The following LPO variants were observed in gnomAD, a reference collection of about 807,000 sequenced individuals.
The protein encoded by LPO is lactoperoxidase.
A neutral mutation model predicts 68.4 loss-of-function variants in LPO; 70 were observed. That is an observed-to-expected ratio of 1.02 (90% CI 0.84 to 1.25). The LOEUF (loss-of-function observed/expected upper bound fraction) is 1.25. LPO is among the 50% of genes most tolerant of loss of function. The pLI, the probability that LPO is intolerant of heterozygous loss-of-function variation, is 0.00. For synonymous variants in LPO, 360 were observed against 357.6 expected, an observed-to-expected ratio of 1.01 and a Z score of -0.08; for missense variants, 873 against 908.4, an observed-to-expected ratio of 0.96 and a Z score of 0.50.
chr17:58,264,666 C>T, intron 9 of LPO, 56 bp from the exon 10 acceptor site: 1 of 1,593,692 alleles, frequency 6.3e-7, no homozygotes, highest in South Asian at 1.1e-5. Context: ...CAGCCTCCCT[C>T]TGCAGAGGTT....
Position 58,254,888 on chromosome 17 carries a change from A to G in LPO, c.1183A>G (p.Arg395Gly). 1.9e-6 allele frequency: 3 copies of G among 1,614,142 alleles called. No individual in the cohort carries two copies. The highest frequency in any genetic ancestry group is 2.5e-6 in the Non-Finnish European group (3 of 1,180,022). ...LFLREHNRLA[R>G]ELKRLNPQWD... Reference sequence around the variant, plus strand: ...TCTCCGCGAGCATAACCGGCTGGCCAGAGAACTAAAGAGACTCAACCCTCA... The same window carrying G: ...TCTCCGCGAGCATAACCGGCTGGCCGGAGAACTAAAGAGACTCAACCCTCA... Residue 395 changes from arginine (R) to glycine (G), a missense_variant, in exon 9 of 13, where the codon AGA becomes GGA. Coordinates refer to ENST00000262290, the MANE Select transcript of LPO (RefSeq NM_006151.3).
chr17:58,268,289 C>A lies in LPO; in HGVS notation c.*295C>A. 1 of 424,190 alleles carries A rather than the reference C, an allele frequency of 2.4e-6. No individual in the cohort carries two copies. Among genetic ancestry groups the A allele is most frequent in the Non-Finnish European group, 4.3e-6 (1 of 229,902 alleles). The allele number at this position is 424,190 out of a possible 1,614,324, so 26.3% of individuals were successfully genotyped here. On this transcript the variant is annotated 3_prime_UTR_variant, in exon 13 of 13. Transcript: ENST00000262290. ...GTCCTCTTCCCTCCACAAGTCTTGGCCCTTAACCTTTATCTTTCTTCCTGT... is the reference window on the plus strand; with the variant it reads ...GTCCTCTTCCCTCCACAAGTCTTGGACCTTAACCTTTATCTTTCTTCCTGT...
chr17:58,240,813 CTTTGTG>C (rs1219238532), intron 1 of LPO, among the ~76,000 whole-genome samples: 2 of 152,000 alleles, frequency 1.3e-5, no homozygotes, highest in African/African-American at 4.8e-5. Context: ...TAATTTTTTA[CTTTGTG>C]TTTGTCATTT....
At chr17:58,249,982 G>A (rs1969928606) in intron 6 of LPO, among the ~76,000 whole-genome samples, 2 of 152,124 alleles carry the variant, frequency 1.3e-5, no homozygotes, top group Admixed American at 1.3e-4. Context: ...CCCCGCCCCT[G>A]GAGTGCATCA....
Position 58,253,662 on chromosome 17 carries a change from C to G in LPO, c.1106-1149C>G, listed in dbSNP as rs540308574. 2.0e-5 allele frequency among the ~76,000 whole-genome samples: 3 copies of G among 152,366 alleles called. No individual in the cohort carries two copies. The South Asian group carries it at 6.2e-4, about 32-fold the overall frequency. Reference sequence around the variant, plus strand: ...TCTTTGGACAAACCCCCTGGCCACCCTGACATTGCAGAAGGCCAGCTCTTA... The same window carrying G: ...TCTTTGGACAAACCCCCTGGCCACCGTGACATTGCAGAAGGCCAGCTCTTA... On this transcript the variant is annotated intron_variant, in intron 8 of 12. Transcript: ENST00000262290.
intron 1 of LPO, among the ~76,000 whole-genome samples, chr17:58,240,716 C>A (rs1165851516): frequency 6.6e-6 from 1 of 152,132 alleles, no homozygotes; most frequent in African/African-American, 2.4e-5. Context: ...GTATTGTTTC[C>A]TGTTCAAATT....
At position 58,250,455 on chromosome 17, in the gene LPO, A is replaced by G; in HGVS notation, c.614A>G (p.Glu205Gly). 6.2e-7 allele frequency: 1 copy of G among 1,614,120 alleles called. No homozygotes were observed. Residue 205 changes from glutamate to glycine, a missense_variant, in exon 7 of 13, where the codon GAG becomes GGG. Physicochemically the swap from Glu to Gly is moderately conservative, Grantham distance 98. Coordinates refer to ENST00000262290, the MANE Select transcript of LPO (RefSeq NM_006151.3). ...VSNKIVGYLN[E>G]EGVLDQNRSL... ...AACAAGATTGTTGGCTATCTGAATG[A>G]GGAGGGTGTTCTGGACCAAAACAGG... is the stretch of plus-strand genomic sequence containing the variant.
rs1598021346 is a variant in LPO, at chr17:58,247,412, C to T, written c.165-66C>T. The stretch of plus-strand genomic sequence containing the variant: ...TGTTGTACACACACCCCTCCCACCC[C>T]TCCAGCGGCCCCCAGCCCCCTTCCT... On this transcript the variant is annotated intron_variant, in intron 3 of 12. Coordinates refer to ENST00000262290, the MANE Select transcript of LPO (RefSeq NM_006151.3). 13 of 1,498,202 alleles carry T rather than the reference C, an allele frequency of 8.7e-6. No homozygotes were observed. In the East Asian group the frequency reaches 2.3e-4, roughly 27 times the overall value. The allele number at this position is 1,498,202 out of a possible 1,614,324, so 92.8% of individuals were successfully genotyped here.
chr17:58,240,699 T>C (rs1969738468), intron 1 of LPO, among the ~76,000 whole-genome samples: 1 of 152,226 alleles, frequency 6.6e-6, no homozygotes, highest in South Asian at 2.1e-4. Flanking sequence ...GAGAATTGAA[T>C]ATTTAAGTAT....
rs761233980 is a variant in LPO at position 58,249,566 on chromosome 17, G to C, written c.444G>C (p.Arg148Ser). Residue 148 changes from arginine (R) to serine (S), a missense_variant and splice_region_variant, in exon 6 of 13, where the codon AGG (arginine) becomes AGC (serine). Physicochemically the swap from Arg to Ser is moderately radical, Grantham distance 110 (BLOSUM62 -1). Coordinates refer to ENST00000262290, the MANE Select transcript of LPO (RefSeq NM_006151.3). ...TCAGCGAGGATCGTGCTGGTTTCAG[G>C]AGGAAGCCTGCGCTGGGCGCCGCCA... ...YRTITGDCNN[R>S]RKPALGAANR... The C allele has an allele frequency of 1.2e-6, 2 of 1,604,054 alleles. No homozygotes were observed. Among genetic ancestry groups the C allele is most frequent in the Non-Finnish European group, 8.5e-7 (1 of 1,179,308 alleles).
Position 58,252,217 on chromosome 17 carries a change from GA to G in LPO, c.819del (p.Lys273AsnfsTer28). ...PNDPKAGTQGKCMPFFRAGFV... is the reference protein window; with the variant it reads ...PNDPKAGTQGXCMPFFRAGFV... ...ATGACCCCAAGGCGGGGACTCAAGG[GA>G]AATGCATGCCTTTCTTCCGAGCTGG... On this transcript the variant is annotated frameshift_variant, in exon 8 of 13. Transcript: ENST00000262290. LOFTEE classifies it high-confidence loss of function. 6.2e-7 allele frequency: 1 copy of G among 1,614,122 alleles called. No individual in the cohort carries two copies. The highest frequency in any genetic ancestry group is 1.1e-5 in the South Asian group (1 of 91,074).
rs1403975523 is a variant in LPO, at chr17:58,252,177, T to C, written c.781-5T>C. On this transcript the variant is annotated splice_polypyrimidine_tract_variant and splice_region_variant and intron_variant, in intron 7 of 12. Coordinates refer to ENST00000262290, the MANE Select transcript of LPO (RefSeq NM_006151.3). ...CCCAGTCACTTATGCCCACTCTCTCTGCAGTTCCCACCCAATGACCCCAAG... is the reference window on the plus strand; with the variant it reads ...CCCAGTCACTTATGCCCACTCTCTCCGCAGTTCCCACCCAATGACCCCAAG... 1 of 1,613,030 alleles carries C rather than the reference T, an allele frequency of 6.2e-7. No homozygotes were observed. The highest frequency in any genetic ancestry group is 8.5e-7 in the Non-Finnish European group (1 of 1,179,306).
Position 58,267,840 on chromosome 17 carries a change from A to T in LPO, c.1985A>T (p.Gln662Leu), listed in dbSNP as rs987949946. 2.5e-6 allele frequency: 4 copies of T among 1,614,192 alleles called. No homozygotes were observed. Among genetic ancestry groups the T allele is most frequent in the East Asian group, 2.2e-5 (1 of 44,874 alleles). ...ACGAACGAGCAGAAGGACTCTCTAC[A>T]GAAAATGTCCTTCTCACGCCTTGTC... ...VFTNEQKDSLQKMSFSRLVCD... is the reference protein window; with the variant it reads ...VFTNEQKDSLLKMSFSRLVCD... The change falls in exon 13 of 13, where the codon CAG becomes CTG. Residue 662 changes from glutamine to leucine, a missense_variant. Gln to Leu is a moderately radical substitution (Grantham distance 113). Transcript: ENST00000262290.
chr17:58,253,072 A>G (rs947383779), intron 8 of LPO, among the ~76,000 whole-genome samples: 1 of 151,732 alleles, frequency 6.6e-6, no homozygotes, highest in African/African-American at 2.4e-5. Flanking sequence ...AAAAGAAAAG[A>G]AAAAGAAAAT....
At chr17:58,249,228 C>T (rs751034512) in intron 5 of LPO, 51 bp downstream of exon 5, 10 of 1,520,936 alleles carry the variant, frequency 6.6e-6, no homozygotes, top group Admixed American at 1.7e-5. Flanking sequence ...CTCCGCCCCG[C>T]CCTGCCAAGG....
intron 1 of LPO, among the ~76,000 whole-genome samples, chr17:58,241,118 CTTTTT>C: frequency 8.0e-6 from 1 of 124,876 alleles, no homozygotes; most frequent in South Asian, 2.6e-4. Context: ...CTTTTCTTTT[CTTTTT>C]TCTTTTTTTT....
At chr17:58,245,116 G>A (rs1969829460) in intron 3 of LPO, among the ~76,000 whole-genome samples, 1 of 152,192 alleles carries the variant, frequency 6.6e-6, no homozygotes, top group Admixed American at 6.5e-5. Flanking sequence ...CTAGTCCCCA[G>A]ACCAGGATTA....
At chr17:58,251,819 G>C in intron 7 of LPO, 1 of 547,582 alleles carries the variant, frequency 1.8e-6, no homozygotes, top group South Asian at 1.4e-5. Flanking sequence ...CACATGGTAA[G>C]TCCAAAATAA....
chr17:58,249,679 G>C lies in LPO; in HGVS notation c.557G>C (p.Gly186Ala). 6.3e-7 allele frequency: 1 copy of C among 1,575,172 alleles called. No homozygotes were observed. The part of the protein sequence containing the change: ...FGWTPGKTRN[G>A]FPLPLAREVS... ...TGGACGCCGGGGAAGACGCGCAACG[G>C]CTTCCCTCTCCCGCTGGTGAGGGCA... Residue 186 changes from glycine to alanine, a missense_variant, in exon 6 of 13, where the codon GGC (glycine) becomes GCC (alanine). Physicochemically the swap from Gly to Ala is moderately conservative, Grantham distance 60. Coordinates refer to ENST00000262290, the MANE Select transcript of LPO (RefSeq NM_006151.3).
Sources: allele counts gnomAD v4.1 joint callset (sites outside exome capture counted in the v4.1 genomes callset), GRCh38; gene constraint gnomAD v4.1.1; transcripts MANE v1.5; gene names NCBI Gene and HGNC (gene_info 2026-07-23, HGNC 2026-07-21).